The following SOX6 variants were observed in gnomAD, a reference collection of about 807,000 sequenced individuals.
SOX6 encodes the protein SRY-box transcription factor 6, also known as transcription factor SOX-6.
In SOX6, 11 loss-of-function variants were observed where a neutral mutation model predicts 97.8. The observed-to-expected ratio is 0.11, with a 90% CI of 0.07 to 0.19. The LOEUF is 0.19. Among genes scored for constraint, SOX6 ranks in the 10% least tolerant of loss-of-function variants. The pLI, the probability that SOX6 is intolerant of heterozygous loss-of-function variation, is 1.00. For synonymous variants in SOX6, 360 were observed against 371.4 expected (o/e 0.97, Z 0.35); for missense variants, 810 against 1,039.5 (o/e 0.78, Z 3.04).
At chr11:16,210,772 G>A (rs772581181) in intron 4 of SOX6, among the ~76,000 whole-genome samples, 1 of 152,166 alleles carries the variant, frequency 6.6e-6, no homozygotes, top group Non-Finnish European at 1.5e-5. Context: ...CCTGGGTCAG[G>A]CAGTGAACCG....
intron 6 of SOX6, among the ~76,000 whole-genome samples, chr11:16,180,371 T>C (rs1198690902): frequency 6.6e-6 from 1 of 151,706 alleles, no homozygotes; most frequent in South Asian, 2.1e-4. Context: ...ATCTTTCCTT[T>C]GAAATTACAG....
intron 4 of SOX6, among the ~76,000 whole-genome samples, chr11:16,234,169 AT>A (rs1852945871): frequency 6.6e-6 from 1 of 152,096 alleles, no homozygotes; most frequent in Non-Finnish European, 1.5e-5. Context: ...TTCTATAAAC[AT>A]TTTTAAAGGT....
intron 9 of SOX6, among the ~76,000 whole-genome samples, chr11:16,081,281 G>A (rs932127021): frequency 2.6e-5 from 4 of 151,970 alleles, no homozygotes; most frequent in African/African-American, 9.7e-5. Context: ...GGCCAGTGTG[G>A]TGTTGAGAGT....
intron 12 of SOX6, among the ~76,000 whole-genome samples, chr11:16,043,113 A>C (rs528324909): frequency 6.6e-6 from 1 of 152,314 alleles, no homozygotes; most frequent in South Asian, 2.1e-4. Flanking sequence ...GAGACTTAGA[A>C]GCAGCCTAAT....
chr11:16,024,296 G>A (rs555270307), intron 12 of SOX6, among the ~76,000 whole-genome samples: 4 of 152,180 alleles, frequency 2.6e-5, no homozygotes, highest in Admixed American at 2.0e-4. Context: ...TAAGTCCGCT[G>A]TCTCTGGTAG....
chr11:16,216,005 C>T (rs1241643249), intron 4 of SOX6, among the ~76,000 whole-genome samples: 1 of 152,104 alleles, frequency 6.6e-6, no homozygotes. Flanking sequence ...TCATATAGTC[C>T]TCAATTCAAA....
At chr11:16,256,371 TC>T (rs1425868626) in intron 3 of SOX6, among the ~76,000 whole-genome samples, 7 of 151,934 alleles carry the variant, frequency 4.6e-5, no homozygotes, top group Admixed American at 4.6e-4. Flanking sequence ...GTGGGATTTA[TC>T]CCAGTTATGC....
At chr11:16,281,428 GCAATCTTTA>G (rs934615830) in intron 3 of SOX6, among the ~76,000 whole-genome samples, 1 of 151,898 alleles carries the variant, frequency 6.6e-6, no homozygotes, top group African/African-American at 2.4e-5. Flanking sequence ...ACAAGATAGA[GCAATCTTTA>G]CAAAGACACA....
chr11:16,404,594 C>T (rs1467933929), intron 1 of SOX6, among the ~76,000 whole-genome samples: 3 of 151,830 alleles, frequency 2.0e-5, no homozygotes, highest in Non-Finnish European at 4.4e-5. Flanking sequence ...ATGCCCACAA[C>T]CAGGTTTCAC....
intron 3 of SOX6, among the ~76,000 whole-genome samples, chr11:16,714,553 G>A (rs1353467666): frequency 6.7e-6 from 1 of 149,140 alleles, no homozygotes; most frequent in Non-Finnish European, 1.5e-5. Flanking sequence ...CCGGGTTCAA[G>A]CAATTCTCCT....
intron 3 of SOX6, among the ~76,000 whole-genome samples, chr11:16,261,525 A>G (rs1853896950): frequency 6.6e-6 from 1 of 152,086 alleles, no homozygotes; most frequent in Admixed American, 6.6e-5. Flanking sequence ...GGGGAAAAAT[A>G]CAATATCAGG....
At chr11:16,308,260 G>A (rs1855495951) in intron 3 of SOX6, among the ~76,000 whole-genome samples, 1 of 152,166 alleles carries the variant, frequency 6.6e-6, no homozygotes, top group Non-Finnish European at 1.5e-5. Flanking sequence ...GATTTATTCA[G>A]TTTGAACTGA....
At chr11:16,322,397 G>A (rs1055948454) in intron 2 of SOX6, among the ~76,000 whole-genome samples, 4 of 151,992 alleles carry the variant, frequency 2.6e-5, no homozygotes, top group Non-Finnish European at 4.4e-5. Flanking sequence ...TTTGCTTTCC[G>A]CCATGATTGT....
intron 3 of SOX6, among the ~76,000 whole-genome samples, chr11:16,675,708 T>C (rs1322592942): frequency 2.6e-5 from 4 of 152,338 alleles, no homozygotes; most frequent in Admixed American, 1.3e-4. Flanking sequence ...ATTGGAAAGA[T>C]AGTTTGGCCA....
intron 4 of SOX6, among the ~76,000 whole-genome samples, chr11:16,589,049 C>T (rs1848124168): frequency 1.3e-5 from 2 of 152,156 alleles, no homozygotes; most frequent in Admixed American, 1.3e-4. Flanking sequence ...AACAAAAATA[C>T]CATACTACTG....
At chr11:16,325,757 C>T (rs1016598616) in intron 2 of SOX6, among the ~76,000 whole-genome samples, 8 of 152,050 alleles carry the variant, frequency 5.3e-5, no homozygotes, top group African/African-American at 1.9e-4. Context: ...GTACGTCCCC[C>T]CATAATTCAT....
chr11:16,586,736 GA>G (rs962514357), intron 4 of SOX6, among the ~76,000 whole-genome samples: 2 of 151,868 alleles, frequency 1.3e-5, no homozygotes, highest in African/African-American at 4.8e-5. Context: ...AAAAGAAAAG[GA>G]AAAAAGATAA....
intron 6 of SOX6, among the ~76,000 whole-genome samples, chr11:16,170,737 G>A (rs10832554): frequency 0.31 from 46,973 of 151,836 alleles, 8,742 homozygotes; most frequent in Non-Finnish European, 0.41. Flanking sequence ...CTTTTAACTA[G>A]GCAAGGGAAA....
chr11:16,301,572 A>C (rs1375094677), intron 3 of SOX6, among the ~76,000 whole-genome samples: 1 of 152,210 alleles, frequency 6.6e-6, no homozygotes, highest in Non-Finnish European at 1.5e-5. Flanking sequence ...TGCTACTGAC[A>C]GTTTGAGAAA....
Sources: allele counts gnomAD v4.1 joint callset (sites outside exome capture counted in the v4.1 genomes callset), GRCh38; gene constraint gnomAD v4.1.1; transcripts MANE v1.5; gene names NCBI Gene and HGNC (gene_info 2026-07-23, HGNC 2026-07-21).